Variants in UROC1 observed in about 807,000 individuals in gnomAD.
UROC1 encodes the protein urocanate hydratase.
A neutral mutation model predicts 89.5 loss-of-function variants in UROC1; 79 were observed. The ratio of observed to expected loss-of-function variants is 0.88; its 90% CI spans 0.74 to 1.06. The LOEUF (loss-of-function observed/expected upper bound fraction) is 1.06. Ranked by LOEUF, UROC1 falls within the 50% of genes least tolerant of loss-of-function variation. The probability of loss-of-function intolerance (pLI) is 0.00; values close to 1 mark genes in which losing one functional copy is unlikely to be tolerated. For missense variants in UROC1, 885 were observed against 907.8 expected, an observed-to-expected ratio of 0.97 and a Z score of 0.32; for synonymous variants, 361 against 354.8, an observed-to-expected ratio of 1.02 and a Z score of -0.20.
chr3:126,495,768 AG>A (rs1433421893), intron 15 of UROC1, among the ~76,000 whole-genome samples: 7 of 152,328 alleles, frequency 4.6e-5, no homozygotes, highest in African/African-American at 1.7e-4. Context: ...ACAATGCACA[AG>A]GGTTCCAAAT....
intron 3 of UROC1, among the ~76,000 whole-genome samples, chr3:126,508,731 G>T (rs556874339): frequency 4.7e-4 from 72 of 152,258 alleles, no homozygotes; most frequent in African/African-American, 1.7e-3. Context: ...CAAAGGCAGG[G>T]TTGATCTGTG....
intron 18 of UROC1, among the ~76,000 whole-genome samples, chr3:126,485,591 A>ATTTT (rs372032139): frequency 2.2e-5 from 3 of 134,468 alleles, no homozygotes; most frequent in African/African-American, 5.9e-5. Context: ...TTCCCCATTT[A>ATTTT]TTTATTTATT....
rs149908649 is a variant in UROC1 at position 126,500,755 on chromosome 3, G to C, written c.1085C>G (p.Thr362Arg). The C allele has an allele frequency of 6.2e-7, 1 of 1,614,112 alleles. No individual in the cohort carries two copies. The highest frequency in any genetic ancestry group is 2.2e-5 in the East Asian group (1 of 44,868). The change falls in exon 11 of 20, where the codon ACG becomes AGG. Residue 362 changes from threonine (T) to arginine (R), a missense_variant. Physicochemically the swap from Thr to Arg is moderately conservative, Grantham distance 71. Coordinates refer to ENST00000290868, the MANE Select transcript of UROC1 (RefSeq NM_144639.3). ...GGAGGCCATGAGGCTCTGGGCCTCC[G>C]TGAAGCTGAGCTGCACAGGGTAGTA... is the stretch of plus-strand genomic sequence containing the variant. ...GGYYPVQLSF[T>R]EAQSLMASNP...
intron 18 of UROC1, among the ~76,000 whole-genome samples, chr3:126,484,361 T>G (rs976521533): frequency 1.3e-5 from 2 of 152,238 alleles, no homozygotes; most frequent in African/African-American, 4.8e-5. Flanking sequence ...CCTTGGCTCC[T>G]GCTCAGTCTT....
chr3:126,490,970 T>A (rs1401808845), intron 16 of UROC1, among the ~76,000 whole-genome samples: 4 of 152,144 alleles, frequency 2.6e-5, no homozygotes, highest in Non-Finnish European at 5.9e-5. Context: ...CTTCCCAACC[T>A]CTCCAGGGGA....
rs969532618 is a variant in UROC1 at position 126,481,855 on chromosome 3, C to G, written c.*490G>C. On this transcript the variant is annotated 3_prime_UTR_variant, in exon 20 of 20. Coordinates refer to ENST00000290868, the MANE Select transcript of UROC1 (RefSeq NM_144639.3). Reference sequence around the variant, plus strand: ...CACCAGCCCACAGTGCAGCACACAGCTCTGTTGACCCTTTATTTCCTGGTC... The same window carrying G: ...CACCAGCCCACAGTGCAGCACACAGGTCTGTTGACCCTTTATTTCCTGGTC... The G allele has an allele frequency of 9.3e-6, 2 of 213,944 alleles. No homozygotes were observed. Among genetic ancestry groups the G allele is most frequent in the African/African-American group, 2.4e-5 (1 of 42,508 alleles). The allele number at this position is 213,944 out of a possible 1,614,324, so 13.3% of individuals were successfully genotyped here. A position where few individuals can be genotyped will look rare whatever the true frequency, so the allele number is the denominator to read the frequency against.
At chr3:126,509,772 T>C (rs1936155851) in intron 2 of UROC1, 94 bp from the exon 3 acceptor site, 2 of 1,181,478 alleles carry the variant, frequency 1.7e-6, no homozygotes, top group Admixed American at 2.0e-5. Context: ...CAGGCAAGGA[T>C]AGCCGGACAC....
intron 16 of UROC1, 33 bp from the exon 17 acceptor site, chr3:126,489,408 C>T: frequency 1.9e-6 from 3 of 1,555,526 alleles, no homozygotes; most frequent in Non-Finnish European, 1.8e-6. Context: ...TGTCAGCCAA[C>T]AGTGTCCACC....
intron 18 of UROC1, among the ~76,000 whole-genome samples, chr3:126,485,779 C>T (rs908516409): frequency 2.0e-5 from 3 of 151,582 alleles, no homozygotes; most frequent in Middle Eastern, 3.4e-3. Context: ...TAATGATATC[C>T]CCAGAGGATT....
intron 18 of UROC1, 110 bp from the exon 19 acceptor site, chr3:126,483,578 G>A: frequency 9.9e-7 from 1 of 1,011,616 alleles, no homozygotes; most frequent in Non-Finnish European, 1.5e-6. Flanking sequence ...CAGGGTTGGG[G>A]CCGCCACACC....
At position 126,499,424 on chromosome 3, in the gene UROC1, C is replaced by T. The variant is rs377398858; in HGVS notation, c.1244-15G>A. On this transcript the variant is annotated splice_polypyrimidine_tract_variant and intron_variant, in intron 12 of 19. Coordinates refer to ENST00000290868, the MANE Select transcript of UROC1 (RefSeq NM_144639.3). Reference sequence around the variant, plus strand: ...CACATCCGCTCCTGTGGGCAGAGCCCGGACAGTCACCACCCAAGGCAGGAC... The same window carrying T: ...CACATCCGCTCCTGTGGGCAGAGCCTGGACAGTCACCACCCAAGGCAGGAC... The T allele has an allele frequency of 3.4e-5, 54 of 1,607,242 alleles. No homozygotes were observed. The highest frequency in any genetic ancestry group is 2.1e-4 in the South Asian group (19 of 89,788).
chr3:126,490,907 C>A (rs1935636808), intron 16 of UROC1, among the ~76,000 whole-genome samples: 1 of 152,168 alleles, frequency 6.6e-6, no homozygotes, highest in Non-Finnish European at 1.5e-5. Context: ...AAGTCCTATT[C>A]CTATCACCAG....
chr3:126,495,862 TG>T (rs1285431255), intron 15 of UROC1, among the ~76,000 whole-genome samples, 175 bp downstream of exon 15: 1 of 152,184 alleles, frequency 6.6e-6, no homozygotes, highest in Admixed American at 6.5e-5. Flanking sequence ...CCCCTCCCAG[TG>T]TGGCCACCAT....
intron 2 of UROC1, among the ~76,000 whole-genome samples, 194 bp downstream of exon 2, chr3:126,510,470 C>T (rs1936167594): frequency 6.6e-6 from 1 of 152,218 alleles, no homozygotes; most frequent in Non-Finnish European, 1.5e-5. Flanking sequence ...CTGGCAGGCT[C>T]AGGGCGGCAG....
rs767007946 is a variant in UROC1 at position 126,483,359 on chromosome 3, G to C, written c.1890+10C>G. The C allele has an allele frequency of 5.0e-6, 8 of 1,611,564 alleles. No individual in the cohort carries two copies. Among genetic ancestry groups the C allele is most frequent in the Non-Finnish European group, 6.8e-6 (8 of 1,179,316 alleles). Reference sequence around the variant, plus strand: ...GCCTTCAGGAGGTGGCAAGGACTGGGCTGACTTACACCATTGGAGACATCC... The same window carrying C: ...GCCTTCAGGAGGTGGCAAGGACTGGCCTGACTTACACCATTGGAGACATCC... On this transcript the variant is annotated intron_variant, in intron 19 of 19. Transcript: ENST00000290868.
intron 19 of UROC1, among the ~76,000 whole-genome samples, 155 bp from the exon 20 acceptor site, chr3:126,482,640 C>T (rs1035272073): frequency 6.6e-6 from 1 of 152,094 alleles, no homozygotes; most frequent in Non-Finnish European, 1.5e-5. Context: ...CCACCCCCAG[C>T]TTAGGCTCCC....
intron 3 of UROC1, 33 bp from the exon 4 acceptor site, chr3:126,508,508 GC>G: frequency 2.5e-6 from 4 of 1,579,210 alleles, no homozygotes; most frequent in Non-Finnish European, 3.5e-6. Flanking sequence ...TGAGATGAGG[GC>G]CTGGGAAGGG....
intron 18 of UROC1, among the ~76,000 whole-genome samples, chr3:126,484,358 T>G (rs965436483): frequency 6.6e-6 from 1 of 152,218 alleles, no homozygotes; most frequent in Non-Finnish European, 1.5e-5. Context: ...CAGCCTTGGC[T>G]CCTGCTCAGT....
intron 17 of UROC1, 145 bp downstream of exon 17, chr3:126,489,131 C>A: frequency 2.6e-6 from 2 of 760,632 alleles, no homozygotes; most frequent in South Asian, 1.4e-5. Context: ...ACATCCCAGA[C>A]CCCCTCAGTC....
Sources: allele counts gnomAD v4.1 joint callset (sites outside exome capture counted in the v4.1 genomes callset), GRCh38; gene constraint gnomAD v4.1.1; transcripts MANE v1.5; gene names NCBI Gene and HGNC (gene_info 2026-07-23, HGNC 2026-07-21).